RNF150: variants seen among roughly 807,000 people sequenced by gnomAD.
RNF150 encodes ring finger protein 150.
A neutral mutation model predicts 39.3 loss-of-function variants in RNF150; 24 were observed. The ratio of observed to expected loss-of-function variants is 0.61; its 90% CI spans 0.44 to 0.86. RNF150 has a LOEUF of 0.86. RNF150 is among the 40% of genes least tolerant of loss of function. The pLI is 0.00. For missense variants in RNF150, 502 were observed against 587.8 expected, an observed-to-expected ratio of 0.85 and a Z score of 1.51; for synonymous variants, 255 against 227.3, an observed-to-expected ratio of 1.12 and a Z score of -1.10.
chr4:141,050,585 C>T (rs560586814), intron 1 of RNF150, among the ~76,000 whole-genome samples: 2 of 152,232 alleles, frequency 1.3e-5, no homozygotes, highest in South Asian at 4.1e-4. Flanking sequence ...GGCTACAGAC[C>T]CCATGCAAGT....
At chr4:141,123,629 G>A (rs973681578) in intron 1 of RNF150, among the ~76,000 whole-genome samples, 2 of 152,098 alleles carry the variant, frequency 1.3e-5, no homozygotes, top group African/African-American at 4.8e-5. Context: ...GTATACATGT[G>A]CCATGTTGGT....
At chr4:140,872,700 A>AT (rs1355641559) in intron 6 of RNF150, among the ~76,000 whole-genome samples, 5 of 152,234 alleles carry the variant, frequency 3.3e-5, no homozygotes, top group African/African-American at 1.2e-4. Context: ...GTAGAGAAAA[A>AT]TTCCCATGTT....
intron 1 of RNF150, among the ~76,000 whole-genome samples, chr4:141,030,648 CAT>C (rs983344495): frequency 6.6e-6 from 1 of 152,168 alleles, no homozygotes; most frequent in African/African-American, 2.4e-5. Flanking sequence ...AGATGTAACA[CAT>C]GATTGTCAAG....
intron 1 of RNF150, among the ~76,000 whole-genome samples, chr4:141,150,534 T>G (rs1478989005): frequency 1.3e-5 from 2 of 152,230 alleles, no homozygotes; most frequent in African/African-American, 4.8e-5. Flanking sequence ...ACACAAGTCT[T>G]GTGGAGTCAC....
chr4:141,188,126 G>A (rs1185728240), intron 1 of RNF150, among the ~76,000 whole-genome samples: 3 of 152,180 alleles, frequency 2.0e-5, no homozygotes, highest in East Asian at 1.9e-4. Context: ...GGCTGAATAC[G>A]AAATTCTGGG....
At chr4:141,030,187 C>A (rs1560698119) in intron 1 of RNF150, among the ~76,000 whole-genome samples, 1 of 150,648 alleles carries the variant, frequency 6.6e-6, no homozygotes, top group Admixed American at 6.6e-5. Context: ...AAGTGAGACT[C>A]CGTCTAAAAA....
chr4:141,150,618 G>A (rs1380663727), intron 1 of RNF150, among the ~76,000 whole-genome samples: 13 of 152,126 alleles, frequency 8.5e-5, no homozygotes, highest in Non-Finnish European at 1.5e-4. Context: ...TGGCCTATAT[G>A]GCCCCTGATG....
intron 2 of RNF150, among the ~76,000 whole-genome samples, chr4:140,960,788 G>A (rs747998389): frequency 2.6e-5 from 4 of 152,128 alleles, no homozygotes; most frequent in Non-Finnish European, 4.4e-5. Context: ...CTATATGTAA[G>A]GTATGTAAGA....
At chr4:140,922,011 C>T (rs1731175328) in intron 5 of RNF150, among the ~76,000 whole-genome samples, 1 of 122,018 alleles carries the variant, frequency 8.2e-6, no homozygotes, top group Non-Finnish European at 1.7e-5. Flanking sequence ...CAGCCAATAT[C>T]ATATTGAATG....
chr4:140,918,767 A>T (rs1730966360), intron 5 of RNF150, among the ~76,000 whole-genome samples: 1 of 152,158 alleles, frequency 6.6e-6, no homozygotes, highest in African/African-American at 2.4e-5. Flanking sequence ...CTTGACGAAA[A>T]TTGATGCAAA....
At chr4:141,073,312 T>C (rs1019535544) in intron 1 of RNF150, among the ~76,000 whole-genome samples, 3 of 152,078 alleles carry the variant, frequency 2.0e-5, no homozygotes, top group African/African-American at 7.2e-5. Flanking sequence ...TACCGGGCAT[T>C]ATCTCCTTTG....
intron 1 of RNF150, among the ~76,000 whole-genome samples, chr4:141,060,352 G>A (rs1229856184): frequency 1.3e-5 from 2 of 152,208 alleles, no homozygotes; most frequent in Admixed American, 1.3e-4. Flanking sequence ...CAGGCGGGAG[G>A]ACTGGTTGAG....
At chr4:140,947,815 G>A (rs1278602862) in intron 3 of RNF150, 79 bp from the exon 4 acceptor site, 2 of 952,076 alleles carry the variant, frequency 2.1e-6, no homozygotes, top group African/African-American at 1.7e-5. Flanking sequence ...AACCCAAGGA[G>A]AGCTTGCCTG....
intron 4 of RNF150, among the ~76,000 whole-genome samples, chr4:140,930,486 C>T (rs1375177889): frequency 1.3e-5 from 2 of 152,232 alleles, no homozygotes; most frequent in African/African-American, 2.4e-5. Context: ...GGACCTAGAA[C>T]AGTTCCCGAC....
intron 1 of RNF150, among the ~76,000 whole-genome samples, chr4:141,109,209 CTT>C (rs1328662219): frequency 1.3e-5 from 2 of 152,124 alleles, no homozygotes; most frequent in African/African-American, 4.8e-5. Context: ...ACTATAATCT[CTT>C]TGTTCCTATT....
chr4:141,012,523 C>T (rs1031491129), intron 1 of RNF150, among the ~76,000 whole-genome samples: 6 of 151,936 alleles, frequency 3.9e-5, no homozygotes, highest in South Asian at 2.1e-4. Context: ...ATAGACCGGA[C>T]GTGTTGGCTC....
rs189409505 is a variant in RNF150 at position 141,200,018 on chromosome 4, T to C, written c.-6+12776A>G. Among the ~76,000 whole-genome samples, 84 of 152,298 alleles carry C rather than the reference T, an allele frequency of 5.5e-4. 1 individual carries two copies. The highest frequency in any genetic ancestry group is 1.1e-3 in the Non-Finnish European group (73 of 68,034). Reference sequence around the variant, plus strand: ...CTAAATCCAGGTTGACCAGTTGAAGTACAGAAGATTGAACAGAGAAAATCA... The same window carrying C: ...CTAAATCCAGGTTGACCAGTTGAAGCACAGAAGATTGAACAGAGAAAATCA... On this transcript the variant is annotated intron_variant, in intron 1 of 7. Transcript: ENST00000420921.
At chr4:141,197,047 A>G (rs113010654) in intron 1 of RNF150, among the ~76,000 whole-genome samples, 2 of 151,440 alleles carry the variant, frequency 1.3e-5, no homozygotes, top group Admixed American at 1.3e-4. Flanking sequence ...ATTTTGTCCC[A>G]AAAAAAAGTG....
At chr4:140,902,532 T>G (rs1375805592) in intron 6 of RNF150, among the ~76,000 whole-genome samples, 1 of 152,242 alleles carries the variant, frequency 6.6e-6, no homozygotes, top group East Asian at 1.9e-4. Flanking sequence ...GAATTAGTTA[T>G]TTGATGGCAT....
Sources: allele counts gnomAD v4.1 joint callset (sites outside exome capture counted in the v4.1 genomes callset), GRCh38; gene constraint gnomAD v4.1.1; transcripts MANE v1.5; gene names NCBI Gene and HGNC (gene_info 2026-07-23, HGNC 2026-07-21).